GLT1D1: variants seen among roughly 807,000 people sequenced by gnomAD.
GLT1D1 encodes the protein glycosyltransferase 1 domain containing 1.
A neutral mutation model predicts 28.7 loss-of-function variants in GLT1D1; 21 were observed. The observed-to-expected ratio is 0.73, with a 90% CI of 0.52 to 1.05. GLT1D1 has a LOEUF of 1.05. GLT1D1 is among the 50% of genes least tolerant of loss of function. GLT1D1 has a pLI of 0.00. For synonymous variants in GLT1D1, 147 were observed against 124.8 expected (o/e 1.18, Z -1.19); for missense variants, 343 against 330.6 (o/e 1.04, Z -0.29).
intron 3 of GLT1D1, among the ~76,000 whole-genome samples, chr12:128,896,883 T>C (rs1276264532): frequency 6.6e-6 from 1 of 152,216 alleles, no homozygotes; most frequent in Non-Finnish European, 1.5e-5. Context: ...AATCTGTTTC[T>C]GTCTTTGTGT....
At chr12:128,930,754 G>A (rs545825223) in intron 4 of GLT1D1, among the ~76,000 whole-genome samples, 5 of 152,292 alleles carry the variant, frequency 3.3e-5, no homozygotes, top group South Asian at 2.1e-4. Context: ...GACTCTGGGC[G>A]CGTGTAAGCT....
intron 1 of GLT1D1, 76 bp from the exon 2 acceptor site, chr12:128,875,838 C>T: frequency 1.6e-6 from 2 of 1,261,696 alleles, no homozygotes; most frequent in South Asian, 1.5e-5. Flanking sequence ...AAAAAAAAGT[C>T]TTAACTGTAG....
chr12:128,866,768 G>A (rs1451289414), intron 1 of GLT1D1, among the ~76,000 whole-genome samples: 2 of 152,026 alleles, frequency 1.3e-5, no homozygotes, highest in Non-Finnish European at 2.9e-5. Flanking sequence ...TTACAGGCGT[G>A]CGCCACCACA....
At chr12:128,957,835 A>C (rs1877456698) in intron 7 of GLT1D1, among the ~76,000 whole-genome samples, 192 bp downstream of exon 11, 1 of 152,152 alleles carries the variant, frequency 6.6e-6, no homozygotes, top group Non-Finnish European at 1.5e-5. Flanking sequence ...AGGGAACAGG[A>C]GCATTGAGTT....
At chr12:128,974,914 G>A (rs891275014) in intron 7 of GLT1D1, among the ~76,000 whole-genome samples, 19 of 152,248 alleles carry the variant, frequency 1.2e-4, no homozygotes, top group African/African-American at 4.3e-4. Flanking sequence ...CTTCGCTAAA[G>A]AAGTGTTGAA....
intron 2 of GLT1D1, among the ~76,000 whole-genome samples, chr12:128,876,929 C>T (rs1956883234): frequency 6.6e-6 from 1 of 152,174 alleles, no homozygotes; most frequent in Non-Finnish European, 1.5e-5. Flanking sequence ...CTACAAATGG[C>T]TTAATGTAAC....
At chr12:128,869,438 G>A (rs1316032116) in intron 1 of GLT1D1, among the ~76,000 whole-genome samples, 1 of 151,980 alleles carries the variant, frequency 6.6e-6, no homozygotes, top group East Asian at 1.9e-4. Flanking sequence ...CTAAAGTGCT[G>A]GGATTATAGT....
chr12:128,894,347 G>C (rs948302431), intron 3 of GLT1D1, among the ~76,000 whole-genome samples: 3 of 152,120 alleles, frequency 2.0e-5, no homozygotes, highest in Non-Finnish European at 2.9e-5. Context: ...TCTGGAGGAA[G>C]AATCTGCCAT....
chr12:128,939,406 A>C (rs1220885339), intron 4 of GLT1D1, among the ~76,000 whole-genome samples: 2 of 151,416 alleles, frequency 1.3e-5, no homozygotes, highest in African/African-American at 4.9e-5. Context: ...TACTAAAAAA[A>C]AAAAAAAAAA....
Position 128,983,050 on chromosome 12 carries a change from A to G in GLT1D1, c.761A>G (p.Gln254Arg), listed in dbSNP as rs779281722. 5 of 1,614,208 alleles carry G rather than the reference A, an allele frequency of 3.1e-6. No homozygotes were observed. The highest frequency in any genetic ancestry group is 3.4e-6 in the Non-Finnish European group (4 of 1,180,026). ...TGGCAGGTGGAAAGAGACACCTACC[A>G]ACAGCTCATCAGGAAGCTGGAAGGA... The change falls in exon 8 of 8, where the codon CAA (glutamine) becomes CGA (arginine). Residue 254 changes from glutamine to arginine, a missense_variant. Coordinates refer to ENST00000281703, the MANE Select transcript of GLT1D1 (RefSeq NM_144669.3). The surrounding 1 kb of genome is among the most constrained non-coding windows in gnomAD (Gnocchi z 4.7).
intron 2 of GLT1D1, among the ~76,000 whole-genome samples, chr12:128,881,546 AAAAAAAAAAAAAAAAATATAT>A (rs1204208952): frequency 1.3e-5 from 1 of 77,938 alleles, no homozygotes; most frequent in African/African-American, 5.6e-5. Context: ...AAAAAAAAAA[AAAAAAAAAAAAAAAAATATAT>A]ATATATATAT....
intron 7 of GLT1D1, among the ~76,000 whole-genome samples, chr12:128,978,920 C>T (rs1423843198): frequency 3.3e-5 from 5 of 152,132 alleles, no homozygotes; most frequent in East Asian, 3.9e-4. Flanking sequence ...TGAGGACAAC[C>T]GGAGGTCATG....
chr12:128,935,116 G>C (rs1253802214), intron 4 of GLT1D1, among the ~76,000 whole-genome samples: 1 of 152,218 alleles, frequency 6.6e-6, no homozygotes, highest in Non-Finnish European at 1.5e-5. Context: ...AAGTACAGGC[G>C]GGGTGCGGGC....
At chr12:128,869,939 ATTTTT>A (rs35487977) in intron 1 of GLT1D1, among the ~76,000 whole-genome samples, 3 of 125,242 alleles carry the variant, frequency 2.4e-5, no homozygotes, top group East Asian at 2.3e-4. Context: ...TGTGTATTCT[ATTTTT>A]TTTTTTTTTT....
At chr12:128,892,752 T>C (rs1253985683) in intron 3 of GLT1D1, among the ~76,000 whole-genome samples, 1 of 152,126 alleles carries the variant, frequency 6.6e-6, no homozygotes, top group Non-Finnish European at 1.5e-5. Flanking sequence ...TAGGGTCTAT[T>C]TTTGAAGTTT....
intron 4 of GLT1D1, among the ~76,000 whole-genome samples, chr12:128,939,835 A>G (rs1281014390): frequency 1.0e-5 from 1 of 99,656 alleles, no homozygotes; most frequent in Non-Finnish European, 2.1e-5. Flanking sequence ...AAATTGTTAG[A>G]AACCCCCCCC....
chr12:128,977,244 A>T (rs574598648), intron 7 of GLT1D1, among the ~76,000 whole-genome samples: 4 of 152,232 alleles, frequency 2.6e-5, no homozygotes, highest in African/African-American at 7.2e-5. Context: ...TTCAATGAGA[A>T]ATGCTCCACC....
intron 4 of GLT1D1, chr12:128,944,979 A>G (rs1593170476): frequency 1.8e-6 from 1 of 565,800 alleles, no homozygotes; most frequent in East Asian, 2.9e-5. Flanking sequence ...CCGGTGTGTG[A>G]TGTTCCCCTC....
chr12:128,941,793 C>G (rs574682518), intron 4 of GLT1D1, among the ~76,000 whole-genome samples: 7 of 150,628 alleles, frequency 4.6e-5, no homozygotes, highest in Non-Finnish European at 8.9e-5. Context: ...GGCCAGCAGG[C>G]GGGTCTCGAA....
Sources: allele counts gnomAD v4.1 joint callset (sites outside exome capture counted in the v4.1 genomes callset), GRCh38; gene constraint gnomAD v4.1.1; non-coding constraint Gnocchi (gnomAD v3.1); transcripts MANE v1.5; gene names NCBI Gene and HGNC (gene_info 2026-07-23, HGNC 2026-07-21).